Variants in CADPS observed in about 807,000 individuals in gnomAD.
CADPS encodes the protein calcium dependent secretion activator, also known as calcium-dependent secretion activator 1.
In CADPS, 57 loss-of-function variants were observed where a neutral mutation model predicts 167.3. The observed-to-expected ratio is 0.34, with a 90% CI of 0.28 to 0.42. The LOEUF (loss-of-function observed/expected upper bound fraction) is 0.42, where lower values mean the gene tolerates loss of function less well. Among genes scored for constraint, CADPS ranks in the 20% least tolerant of loss-of-function variants. The pLI is 1.00. For missense variants in CADPS, 1,414 were observed against 1,738.1 expected, an observed-to-expected ratio of 0.81 and a Z score of 3.32; for synonymous variants, 676 against 635.3, an observed-to-expected ratio of 1.06 and a Z score of -0.96.
chr3:62,709,019 C>T (rs1580873749), intron 3 of CADPS, among the ~76,000 whole-genome samples: 3 of 151,848 alleles, frequency 2.0e-5, no homozygotes, highest in South Asian at 4.2e-4. Context: ...TTCCTTTTCA[C>T]TGCAAAGGCA....
At chr3:62,789,664 G>C (rs1322646543) in intron 1 of CADPS, among the ~76,000 whole-genome samples, 4 of 152,162 alleles carry the variant, frequency 2.6e-5, no homozygotes, top group Admixed American at 1.3e-4. Context: ...AACAACAGAA[G>C]TAATCCATAT....
intron 28 of CADPS, among the ~76,000 whole-genome samples, chr3:62,426,845 A>G (rs2052805481): frequency 6.6e-6 from 1 of 151,748 alleles, no homozygotes; most frequent in South Asian, 2.1e-4. Context: ...AGGGGGGCAG[A>G]TCATGAGGTC....
At chr3:62,598,366 C>A (rs565668903) in intron 6 of CADPS, among the ~76,000 whole-genome samples, 41 of 152,184 alleles carry the variant, frequency 2.7e-4, no homozygotes, top group Admixed American at 2.2e-3. Context: ...GGAATTCTGG[C>A]CTTTTTTTGT....
intron 6 of CADPS, among the ~76,000 whole-genome samples, chr3:62,641,205 A>G (rs921798326): frequency 2.6e-5 from 4 of 152,224 alleles, no homozygotes; most frequent in Non-Finnish European, 4.4e-5. Context: ...AAACAAGGCT[A>G]TGAAATCTTA....
chr3:62,537,053 A>G (rs954357189), intron 11 of CADPS, among the ~76,000 whole-genome samples: 1 of 152,166 alleles, frequency 6.6e-6, no homozygotes, highest in African/African-American at 2.4e-5. Context: ...AAGTGACAAT[A>G]TTTATATCGT....
chr3:62,705,630 C>G (rs942106275), intron 3 of CADPS, among the ~76,000 whole-genome samples: 9 of 152,090 alleles, frequency 5.9e-5, no homozygotes, highest in African/African-American at 2.2e-4. Context: ...GCTTAATCTC[C>G]AAGCCTACAT....
intron 11 of CADPS, among the ~76,000 whole-genome samples, chr3:62,542,525 C>T (rs998166479): frequency 1.3e-5 from 2 of 152,042 alleles, no homozygotes; most frequent in Non-Finnish European, 1.5e-5. Flanking sequence ...GGATGTTGTG[C>T]CCTGCCTGAG....
chr3:62,807,359 AC>A (rs1285272376), intron 1 of CADPS, among the ~76,000 whole-genome samples: 1 of 151,264 alleles, frequency 6.6e-6, no homozygotes, highest in African/African-American at 2.4e-5. Flanking sequence ...CCTCCTGGGT[AC>A]AAGTGATTCT....
chr3:62,672,986 G>A (rs1196793779), intron 3 of CADPS, among the ~76,000 whole-genome samples: 1 of 152,122 alleles, frequency 6.6e-6, no homozygotes, highest in African/African-American at 2.4e-5. Flanking sequence ...TACCTTAGGG[G>A]CCTTCTTGGT....
rs775573839 is a variant in CADPS, at chr3:62,544,473, G to T, written c.1966+5430C>A. Among the ~76,000 whole-genome samples the T allele has an allele frequency of 3.3e-5, 5 of 151,984 alleles. No homozygotes were observed. Among genetic ancestry groups the T allele is most frequent in the Non-Finnish European group, 7.4e-5 (5 of 67,984 alleles). On this transcript the variant is annotated intron_variant, in intron 11 of 29. Transcript: ENST00000383710. This position sits in a 1 kb window ranked among gnomAD's most constrained non-coding sequence, Gnocchi z 4.4. ...ACAGCACATTATCAGAGTGCAAAAT[G>T]ATCTGTTTTCAGGCATTAAGCAGTC...
chr3:62,718,860 G>A (rs2151940330), intron 3 of CADPS, among the ~76,000 whole-genome samples: 1 of 152,330 alleles, frequency 6.6e-6, no homozygotes, highest in African/African-American at 2.4e-5. Context: ...TGTGAGAAGT[G>A]CAAACAGAGA....
At chr3:62,834,726 A>C (rs1370314996) in intron 1 of CADPS, among the ~76,000 whole-genome samples, 1 of 152,138 alleles carries the variant, frequency 6.6e-6, no homozygotes, top group East Asian at 1.9e-4. Flanking sequence ...ATCATTATCA[A>C]ATTTTATTTG....
intron 1 of CADPS, among the ~76,000 whole-genome samples, chr3:62,840,118 A>T (rs2153037840): frequency 6.6e-6 from 1 of 152,326 alleles, no homozygotes; most frequent in South Asian, 2.1e-4. Context: ...CAAAAAAGCT[A>T]ATTATCTTCA....
chr3:62,520,599 A>G (rs1200400753), intron 13 of CADPS, among the ~76,000 whole-genome samples: 1 of 146,826 alleles, frequency 6.8e-6, no homozygotes, highest in Non-Finnish European at 1.5e-5. Flanking sequence ...AAAACAAACT[A>G]ACTTTACTAA....
At chr3:62,428,200 C>A (rs6783654) in intron 28 of CADPS, among the ~76,000 whole-genome samples, 3 of 152,124 alleles carry the variant, frequency 2.0e-5, no homozygotes, top group Non-Finnish European at 4.4e-5. Context: ...CTCTTCTGAA[C>A]TGGGAATTTG....
chr3:62,526,094 A>C (rs1252732349), intron 13 of CADPS, among the ~76,000 whole-genome samples: 1 of 152,168 alleles, frequency 6.6e-6, no homozygotes, highest in Non-Finnish European at 1.5e-5. Flanking sequence ...CGGGAGGATG[A>C]AACCACTTAC....
At position 62,696,698 on chromosome 3, in the gene CADPS, C is replaced by T. The variant is rs558779433; in HGVS notation, c.889-34304G>A. Among the ~76,000 whole-genome samples the T allele has an allele frequency of 1.8e-4, 28 of 152,200 alleles. No individual in the cohort carries two copies. In the South Asian group the frequency reaches 5.2e-3, roughly 28 times the overall value. On this transcript the variant is annotated intron_variant, in intron 3 of 29. Transcript: ENST00000383710. ...ACCCAGTTAACTACTTTATATATTGCTAACAATTCTTGATGTTCGATCCTC... is the reference window on the plus strand; with the variant it reads ...ACCCAGTTAACTACTTTATATATTGTTAACAATTCTTGATGTTCGATCCTC...
intron 7 of CADPS, among the ~76,000 whole-genome samples, chr3:62,587,513 A>C (rs1449502063): frequency 1.3e-5 from 2 of 152,158 alleles, no homozygotes; most frequent in African/African-American, 4.8e-5. Flanking sequence ...TGTGCTGGGA[A>C]GCCAGAAAGG....
At chr3:62,709,779 AT>A (rs902147851) in intron 3 of CADPS, among the ~76,000 whole-genome samples, 1 of 151,486 alleles carries the variant, frequency 6.6e-6, no homozygotes, top group South Asian at 2.1e-4. Flanking sequence ...TGTATTTATT[AT>A]TTTTTTTGAG....
Sources: allele counts gnomAD v4.1 joint callset (sites outside exome capture counted in the v4.1 genomes callset), GRCh38; gene constraint gnomAD v4.1.1; non-coding constraint Gnocchi (gnomAD v3.1); transcripts MANE v1.5; gene names NCBI Gene and HGNC (gene_info 2026-07-23, HGNC 2026-07-21).